Variants in HDLBP observed in about 807,000 individuals in gnomAD.
HDLBP encodes high density lipoprotein binding protein, also known as vigilin.
A neutral mutation model predicts 137.3 loss-of-function variants in HDLBP; 30 were observed. The ratio of observed to expected loss-of-function variants is 0.22; its 90% CI spans 0.16 to 0.30. The LOEUF is 0.30. Among genes scored for constraint, HDLBP ranks in the 10% least tolerant of loss-of-function variants. The probability of loss-of-function intolerance (pLI) is 1.00; values close to 1 mark genes in which losing one functional copy is unlikely to be tolerated. For missense variants in HDLBP, 1,119 were observed against 1,667.3 expected, an observed-to-expected ratio of 0.67 and a Z score of 5.73; for synonymous variants, 606 against 596.0, an observed-to-expected ratio of 1.02 and a Z score of -0.24.
chr2:241,300,984 T>C (rs2075378642), intron 1 of HDLBP, among the ~76,000 whole-genome samples: 1 of 117,402 alleles, frequency 8.5e-6, no homozygotes, highest in Non-Finnish European at 1.9e-5. Context: ...TTATTATTAT[T>C]ATTATTATTT....
intron 1 of HDLBP, among the ~76,000 whole-genome samples, chr2:241,312,155 GATTA>G (rs1335826066): frequency 1.3e-5 from 2 of 152,188 alleles, no homozygotes; most frequent in East Asian, 3.8e-4. Context: ...TTTGAAATAA[GATTA>G]ATATGAATGC....
Position 241,272,328 on chromosome 2 carries a change from G to T in HDLBP, c.-102-3787C>A, listed in dbSNP as rs1235429725. On this transcript the variant is annotated intron_variant, in intron 1 of 27. Coordinates refer to ENST00000310931, the MANE Select transcript of HDLBP (RefSeq NM_005336.6). The surrounding 1 kb of genome is among the most constrained non-coding windows in gnomAD (Gnocchi z 5.6). The stretch of plus-strand genomic sequence containing the variant: ...ACACGGCGCCCCCGCCGGAGCGGGG[G>T]AGGGGAGGGCCGGCCCCGCCAACGT... The T allele has an allele frequency of 2.0e-6, 2 of 983,750 alleles. No homozygotes were observed. Among genetic ancestry groups the T allele is most frequent in the Non-Finnish European group, 2.4e-6 (2 of 828,900 alleles). 60.9% of individuals were successfully genotyped at this position (983,750 alleles called of 1,614,324 possible). A position where few individuals can be genotyped will look rare whatever the true frequency, so the allele number is the denominator to read the frequency against.
chr2:241,305,982 G>A (rs1020107872), intron 1 of HDLBP, among the ~76,000 whole-genome samples: 1 of 152,008 alleles, frequency 6.6e-6, no homozygotes, highest in Non-Finnish European at 1.5e-5. Context: ...GGATGGTCTC[G>A]ATCTCCTGAC....
At chr2:241,300,992 T>G (rs2075379152) in intron 1 of HDLBP, among the ~76,000 whole-genome samples, 1 of 148,360 alleles carries the variant, frequency 6.7e-6, no homozygotes, top group Non-Finnish European at 1.5e-5. Context: ...ATTATTATTA[T>G]TTTGAGACGA....
intron 21 of HDLBP, 184 bp from the exon 22 acceptor site, chr2:241,235,778 G>A (rs963607285): frequency 1.4e-5 from 8 of 573,144 alleles, no homozygotes; most frequent in Non-Finnish European, 2.5e-5. Flanking sequence ...TTTGCATTAG[G>A]CTAATGCTGG....
rs2074195636 is a variant in HDLBP at position 241,272,695 on chromosome 2, C to T, written c.-102-4154G>A. The T allele has an allele frequency of 1.4e-6, 1 of 724,740 alleles. No homozygotes were observed. The highest frequency in any genetic ancestry group is 1.7e-6 in the Non-Finnish European group (1 of 596,660). 44.9% of individuals were successfully genotyped at this position (724,740 alleles called of 1,614,324 possible). Reference sequence around the variant, plus strand: ...TCAGCAGCCACCCCCCACCCCCCCGCCCGGCAGCCCGCCCGCCCCGTCCGC... The same window carrying T: ...TCAGCAGCCACCCCCCACCCCCCCGTCCGGCAGCCCGCCCGCCCCGTCCGC... On this transcript the variant is annotated intron_variant, in intron 1 of 27. Transcript: ENST00000310931. This position sits in a 1 kb window ranked among gnomAD's most constrained non-coding sequence, Gnocchi z 5.6.
At position 241,292,164 on chromosome 2, in the gene HDLBP, G is replaced by A. The variant is rs1003379980; in HGVS notation, c.-103+23406C>T. ...CGTGCAACACAGAGCACAGTCTGTGGAATATCCTTGAAACCACTGCCCCCC... is the reference window on the plus strand; with the variant it reads ...CGTGCAACACAGAGCACAGTCTGTGAAATATCCTTGAAACCACTGCCCCCC... On this transcript the variant is annotated intron_variant, in intron 1 of 27. Transcript: ENST00000310931. Among the ~76,000 whole-genome samples, 6 of 152,222 alleles carry A rather than the reference G, an allele frequency of 3.9e-5. No individual in the cohort carries two copies. In the East Asian group the frequency reaches 1.2e-3, roughly 29 times the overall value.
chr2:241,306,033 G>A (rs911253185), intron 1 of HDLBP, among the ~76,000 whole-genome samples: 1 of 151,800 alleles, frequency 6.6e-6, no homozygotes, highest in African/African-American at 2.4e-5. Context: ...GTGCTGGGAT[G>A]ACAGGTGTGA....
At chr2:241,231,190 G>C (rs2069697589) in intron 24 of HDLBP, 1 of 428,526 alleles carries the variant, frequency 2.3e-6, no homozygotes, top group Non-Finnish European at 4.3e-6. Flanking sequence ...TTCGTGACCA[G>C]CCTGACCAAC....
At chr2:241,291,163 T>C (rs1455433985) in intron 1 of HDLBP, among the ~76,000 whole-genome samples, 1 of 152,182 alleles carries the variant, frequency 6.6e-6, no homozygotes, top group African/African-American at 2.4e-5. Context: ...GTCACAAAAT[T>C]TAGAATAGGT....
At chr2:241,253,632 TA>T in intron 9 of HDLBP, 135 bp from the exon 10 acceptor site, 1 of 653,490 alleles carries the variant, frequency 1.5e-6, no homozygotes. Flanking sequence ...GGGAGGGACA[TA>T]TCCACAGCCA....
At chr2:241,290,665 C>T (rs2074985884) in intron 1 of HDLBP, among the ~76,000 whole-genome samples, 1 of 151,726 alleles carries the variant, frequency 6.6e-6, no homozygotes, top group African/African-American at 2.4e-5. Context: ...CGTTCCACTT[C>T]TTTATCTCAA....
intron 1 of HDLBP, among the ~76,000 whole-genome samples, chr2:241,299,873 C>T (rs1015216704): frequency 2.0e-5 from 3 of 151,996 alleles, no homozygotes; most frequent in Non-Finnish European, 4.4e-5. Flanking sequence ...CGAGATCCCA[C>T]CACTGCACTC....
intron 1 of HDLBP, among the ~76,000 whole-genome samples, chr2:241,308,864 C>T (rs759956194): frequency 1.5e-4 from 23 of 152,182 alleles, no homozygotes; most frequent in Non-Finnish European, 3.4e-4. Flanking sequence ...TACTGGGTCA[C>T]TCTGCTCCAG....
rs1574869857 is a variant in HDLBP, at chr2:241,238,778, C to T, written c.2620G>A (p.Val874Met). ...QEIIEDLEAQVTLECAIPQKF... is the reference protein window; with the variant it reads ...QEIIEDLEAQMTLECAIPQKF... ...TGGGGTATAGCACATTCTAATGTCA[C>T]CTGAGCTTCCTGGAGGGAGGTACAC... is the stretch of plus-strand genomic sequence containing the variant. Residue 874 changes from valine (V) to methionine (M), a missense_variant, in exon 20 of 28, where the codon GTG (valine) becomes ATG (methionine). This residue lies in a region of HDLBP where 618 missense variants were observed against 816.7 expected (regional missense o/e 0.76). Transcript: ENST00000310931. This position sits in a 1 kb window ranked among gnomAD's most constrained non-coding sequence, Gnocchi z 4.9. The T allele has an allele frequency of 2.0e-6, 3 of 1,506,302 alleles. No individual in the cohort carries two copies. In the East Asian group the frequency reaches 7.2e-5, roughly 36 times the overall value. The allele number at this position is 1,506,302 out of a possible 1,614,324, so 93.3% of individuals were successfully genotyped here.
chr2:241,279,849 A>G (rs568854077), intron 1 of HDLBP: 1 of 948,684 alleles, frequency 1.1e-6, no homozygotes, highest in East Asian at 1.2e-4. Context: ...AATAGTCAAC[A>G]AATTTTTAAG....
In HDLBP at chr2:241,240,961, C is replaced by T. The variant is rs920516696; in HGVS notation, c.2170-839G>A. On this transcript the variant is annotated intron_variant, in intron 17 of 27. Transcript: ENST00000310931. The surrounding 1 kb of genome is among the most constrained non-coding windows in gnomAD (Gnocchi z 5.5). ...CTAGCACAAAAATATTAAATAACAA[C>T]TTTGCTACCTTTTAAGTGCAGGTTT... is the stretch of plus-strand genomic sequence containing the variant. 2.6e-5 allele frequency among the ~76,000 whole-genome samples: 4 copies of T among 152,162 alleles called. No individual in the cohort carries two copies. The highest frequency in any genetic ancestry group is 9.7e-5 in the African/African-American group (4 of 41,450).
intron 1 of HDLBP, among the ~76,000 whole-genome samples, chr2:241,309,454 A>G (rs778103904): frequency 2.0e-5 from 3 of 152,244 alleles, no homozygotes; most frequent in Non-Finnish European, 4.4e-5. Flanking sequence ...AAAGCAAAGA[A>G]TAAGAATAGA....
Position 241,256,245 on chromosome 2 carries a change from G to C in HDLBP, c.812C>G (p.Thr271Ser). ...PSVNRTEIVF[T>S]GEKEQLAQAV... ...CTGAGCCAACTGTTCCTTCTCTCCA[G>C]TGAAGACAATCTCTGTCCGGTTCAC... The change falls in exon 7 of 28, where the codon ACT becomes AGT. Residue 271 changes from threonine to serine, a missense_variant. This residue lies in a region of HDLBP where 425 missense variants were observed against 693.9 expected (regional missense o/e 0.61). Transcript: ENST00000310931. 1 of 1,614,146 alleles carries C rather than the reference G, an allele frequency of 6.2e-7. No homozygotes were observed. Among genetic ancestry groups the C allele is most frequent in the Non-Finnish European group, 8.5e-7 (1 of 1,180,032 alleles).
Sources: allele counts gnomAD v4.1 joint callset (sites outside exome capture counted in the v4.1 genomes callset), GRCh38; gene constraint gnomAD v4.1.1; regional missense constraint gnomAD v4.1.1; non-coding constraint Gnocchi (gnomAD v3.1); transcripts MANE v1.5; gene names NCBI Gene and HGNC (gene_info 2026-07-23, HGNC 2026-07-21).